The following TTC9 variants were observed in gnomAD, a reference collection of about 807,000 sequenced individuals.
TTC9 encodes tetratricopeptide repeat domain 9, also known as tetratricopeptide repeat protein 9A.
TTC9 carries 13 observed loss-of-function variants against 22.9 expected under a neutral mutation model. The ratio of observed to expected loss-of-function variants is 0.57; its 90% CI spans 0.37 to 0.90. TTC9 has a LOEUF of 0.90. Ranked by LOEUF, TTC9 falls within the 40% of genes least tolerant of loss-of-function variation. The pLI, the probability that TTC9 is intolerant of heterozygous loss-of-function variation, is 0.01. For missense variants in TTC9, 280 were observed against 291.8 expected (o/e 0.96, Z 0.29); for synonymous variants, 148 against 133.2 (o/e 1.11, Z -0.77).
Position 70,664,365 on chromosome 14 carries a change from C to A in TTC9, c.407-3199C>A, listed in dbSNP as rs192404480. Among the ~76,000 whole-genome samples the A allele has an allele frequency of 1.6e-3, 244 of 151,782 alleles. 1 individual carries two copies. The highest frequency in any genetic ancestry group is 2.8e-3 in the Non-Finnish European group (188 of 67,940). Reference sequence around the variant, plus strand: ...AAGCAGAGAGGTGCCTAAAAATCACCTGCAGGTAGCGCTGAGGCCAGCCTC... The same window carrying A: ...AAGCAGAGAGGTGCCTAAAAATCACATGCAGGTAGCGCTGAGGCCAGCCTC... On this transcript the variant is annotated intron_variant, in intron 1 of 2. Transcript: ENST00000256367.
intron 2 of TTC9, 97 bp from the exon 3 acceptor site, chr14:70,670,979 C>T: frequency 8.3e-7 from 1 of 1,199,166 alleles, no homozygotes; most frequent in Non-Finnish European, 1.2e-6. Context: ...TGAGCCTGGC[C>T]TGTTGGATGT....
At chr14:70,643,658 G>A (rs1885861288) in intron 1 of TTC9, among the ~76,000 whole-genome samples, 1 of 152,186 alleles carries the variant, frequency 6.6e-6, no homozygotes, top group Non-Finnish European at 1.5e-5. Context: ...TGTGTCTGAA[G>A]CCGAGGCAGT....
intron 1 of TTC9, among the ~76,000 whole-genome samples, chr14:70,651,121 C>G (rs1885978793): frequency 6.6e-6 from 1 of 152,168 alleles, no homozygotes; most frequent in Non-Finnish European, 1.5e-5. Flanking sequence ...GCTGGGATTA[C>G]CAGCGTGCGC....
At position 70,671,247 on chromosome 14, in the gene TTC9, C is replaced by G. The variant is rs1171919439; in HGVS notation, c.*92C>G. On this transcript the variant is annotated 3_prime_UTR_variant, in exon 3 of 3. Coordinates refer to ENST00000256367, the MANE Select transcript of TTC9 (RefSeq NM_015351.2). The stretch of plus-strand genomic sequence containing the variant: ...GCCCCGTCCTGGATTCTGTCCCTTT[C>G]TCCCCACTTCTTCTGGCTCCTCATT... The G allele has an allele frequency of 9.5e-7, 1 of 1,049,220 alleles. No individual in the cohort carries two copies. Among genetic ancestry groups the G allele is most frequent in the Non-Finnish European group, 1.4e-6 (1 of 706,956 alleles). The allele number at this position is 1,049,220 out of a possible 1,614,324, so 65.0% of individuals were successfully genotyped here. A position where few individuals can be genotyped will look rare whatever the true frequency, so the allele number is the denominator to read the frequency against.
intron 1 of TTC9, 75 bp downstream of exon 1, chr14:70,642,610 C>T (rs1311720260): frequency 3.6e-5 from 49 of 1,370,016 alleles, no homozygotes; most frequent in South Asian, 5.6e-5. Context: ...CTGCGGCGCT[C>T]CCGCGGTGCA....
intron 2 of TTC9, among the ~76,000 whole-genome samples, chr14:70,668,832 C>A (rs1871988079): frequency 8.1e-6 from 1 of 123,300 alleles, no homozygotes; most frequent in Non-Finnish European, 1.6e-5. Flanking sequence ...GCCTGAGCGA[C>A]AGAACAAGAC....
intron 1 of TTC9, among the ~76,000 whole-genome samples, chr14:70,645,187 A>G (rs527887990): frequency 1.3e-5 from 2 of 152,348 alleles, no homozygotes; most frequent in African/African-American, 4.8e-5. Flanking sequence ...CTTCAGGGCT[A>G]TGTATAAAAT....
At chr14:70,645,756 G>A (rs1217183834) in intron 1 of TTC9, among the ~76,000 whole-genome samples, 1 of 152,170 alleles carries the variant, frequency 6.6e-6, no homozygotes, top group Non-Finnish European at 1.5e-5. Context: ...AGCCCAACAA[G>A]CTCCAGGTTC....
chr14:70,670,795 CT>C (rs1241081795), intron 2 of TTC9, among the ~76,000 whole-genome samples: 1 of 152,160 alleles, frequency 6.6e-6, no homozygotes, highest in East Asian at 1.9e-4. Context: ...CTGGGATACG[CT>C]GCTGCATAGA....
intron 1 of TTC9, among the ~76,000 whole-genome samples, chr14:70,663,215 A>G (rs1214924517): frequency 6.6e-6 from 1 of 152,072 alleles, no homozygotes; most frequent in East Asian, 1.9e-4. Context: ...CCTGGCATGC[A>G]TGGCTTCCCA....
chr14:70,672,987 G>GTGA lies in TTC9; in HGVS notation c.*1834_*1836dup, dbSNP rs1886318132. The stretch of plus-strand genomic sequence containing the variant: ...AACCTGAAAAGTGTTCATGATGTCA[G>GTGA]TGATAGTACATGGCCTCCTTATGTA... On this transcript the variant is annotated 3_prime_UTR_variant, in exon 3 of 3. Coordinates refer to ENST00000256367, the MANE Select transcript of TTC9 (RefSeq NM_015351.2). 1 of 152,226 alleles carries GTGA rather than the reference G, an allele frequency of 6.6e-6. No homozygotes were observed. The highest frequency in any genetic ancestry group is 1.5e-5 in the Non-Finnish European group (1 of 68,036). 9.4% of individuals were successfully genotyped at this position (152,226 alleles called of 1,614,324 possible). A position where few individuals can be genotyped will look rare whatever the true frequency, so the allele number is the denominator to read the frequency against.
chr14:70,649,684 T>C (rs1885953307), intron 1 of TTC9, among the ~76,000 whole-genome samples: 1 of 152,240 alleles, frequency 6.6e-6, no homozygotes, highest in Non-Finnish European at 1.5e-5. Context: ...TCCATCAATA[T>C]TCTACTCTTT....
At chr14:70,655,171 A>G (rs1357832199) in intron 1 of TTC9, among the ~76,000 whole-genome samples, 1 of 152,222 alleles carries the variant, frequency 6.6e-6, no homozygotes, top group East Asian at 1.9e-4. Context: ...AGGTGGGTGG[A>G]TCACCTGAGG....
chr14:70,659,879 T>C (rs1886120672), intron 1 of TTC9, among the ~76,000 whole-genome samples: 1 of 152,148 alleles, frequency 6.6e-6, no homozygotes, highest in East Asian at 1.9e-4. Context: ...CTTACTAGCA[T>C]TGTGACTTTG....
chr14:70,659,944 A>G (rs1353189934), intron 1 of TTC9, among the ~76,000 whole-genome samples: 1 of 152,256 alleles, frequency 6.6e-6, no homozygotes, highest in Non-Finnish European at 1.5e-5. Flanking sequence ...AAAAATGGGC[A>G]AAATACTAGA....
chr14:70,648,053 T>G (rs925640119), intron 1 of TTC9, among the ~76,000 whole-genome samples: 3 of 152,136 alleles, frequency 2.0e-5, no homozygotes, highest in African/African-American at 7.2e-5. Context: ...GGTCAGGGGC[T>G]AGAGACAAGC....
At position 70,642,145 on chromosome 14, in the gene TTC9, T is replaced by C. The variant is rs988683935; in HGVS notation, c.16T>C (p.Ser6Pro). 1.7e-6 allele frequency: 2 copies of C among 1,160,022 alleles called. No homozygotes were observed. The highest frequency in any genetic ancestry group is 2.1e-6 in the Non-Finnish European group (2 of 937,654). The allele number at this position is 1,160,022 out of a possible 1,614,324, so 71.9% of individuals were successfully genotyped here. Residue 6 changes from serine (S) to proline (P), a missense_variant, in exon 1 of 3, where the codon TCG (serine) becomes CCG (proline). By Grantham distance (74) the Ser-to-Pro change is moderately conservative (BLOSUM62 -1). Around this residue, in one of 5 missense-constraint regions of TTC9, gnomAD observed 49 missense variants for 39.8 expected, o/e 1.23. Coordinates refer to ENST00000256367, the MANE Select transcript of TTC9 (RefSeq NM_015351.2). Reference protein sequence around the residue: MERKGSAAGAKGNPSP... With the variant: MERKGPAAGAKGNPSP... ...CGGCGGCCGAATGGAGAGAAAGGGC[T>C]CGGCGGCCGGGGCCAAGGGGAACCC...
In TTC9 at chr14:70,654,538, C is replaced by T. The variant is rs141565291; in HGVS notation, c.406+12003C>T. On this transcript the variant is annotated intron_variant, in intron 1 of 2. Transcript: ENST00000256367. ...CCTGGGGGCGGAGGTTGCAGTGAGCCGAGATTGCACTACTGCACTCCAGCC... is the reference window on the plus strand; with the variant it reads ...CCTGGGGGCGGAGGTTGCAGTGAGCTGAGATTGCACTACTGCACTCCAGCC... 6.8e-3 allele frequency among the ~76,000 whole-genome samples: 869 copies of T among 128,684 alleles called. 11 individuals carry two copies. The highest frequency in any genetic ancestry group is 0.025 in the African/African-American group (819 of 32,516). 84.4% of individuals were successfully genotyped at this position (128,684 alleles called of 152,430 possible).
At chr14:70,670,878 C>T (rs1036622122) in intron 2 of TTC9, among the ~76,000 whole-genome samples, 198 bp from the exon 3 acceptor site, 7 of 151,950 alleles carry the variant, frequency 4.6e-5, no homozygotes, top group African/African-American at 1.7e-4. Flanking sequence ...CCAACCTGTC[C>T]ACATTTGCTA....
Sources: allele counts gnomAD v4.1 joint callset (sites outside exome capture counted in the v4.1 genomes callset), GRCh38; gene constraint gnomAD v4.1.1; regional missense constraint gnomAD v4.1.1; transcripts MANE v1.5; gene names NCBI Gene and HGNC (gene_info 2026-07-23, HGNC 2026-07-21).